The following LOC400499 variants were observed in gnomAD, a reference collection of about 807,000 sequenced individuals.
At chr16:11,393,411 G>A in the LOC400499 span, 1 of 1,232,168 alleles carries the variant, frequency 8.1e-7, no homozygotes, top group East Asian at 3.2e-5. Flanking sequence ...GGCCACAGAG[G>A]CCTGCAGACA....
the LOC400499 span, among the ~76,000 whole-genome samples, chr16:11,429,402 T>C: frequency 6.6e-6 from 1 of 152,148 alleles, no homozygotes; most frequent in African/African-American, 2.4e-5. Context: ...TGTGAAAGCA[T>C]TGCAAGGACA....
the LOC400499 span, among the ~76,000 whole-genome samples, chr16:11,451,322 G>A: frequency 1.8e-4 from 28 of 152,326 alleles, no homozygotes; most frequent in Admixed American, 6.5e-4. Context: ...GCTCATGCCT[G>A]TAATCCCAGC....
chr16:11,450,250 G>C, the LOC400499 span, among the ~76,000 whole-genome samples: 1 of 152,222 alleles, frequency 6.6e-6, no homozygotes, highest in African/African-American at 2.4e-5. Context: ...CATCATGACA[G>C]TCAGTAGTCG....
chr16:11,492,146 G>T, the LOC400499 span, among the ~76,000 whole-genome samples: 15 of 152,044 alleles, frequency 9.9e-5, no homozygotes, highest in African/African-American at 3.6e-4. Context: ...ATAGTGTCTC[G>T]CCACACAGGA....
the LOC400499 span, among the ~76,000 whole-genome samples, chr16:11,397,038 G>A: frequency 7.2e-5 from 11 of 152,090 alleles, no homozygotes; most frequent in Admixed American, 6.5e-4. Context: ...CCTGCACAAC[G>A]TTTACTACAC....
At chr16:11,398,326 C>T in the LOC400499 span, 1 of 1,232,278 alleles carries the variant, frequency 8.1e-7, no homozygotes, top group Non-Finnish European at 1.0e-6. Flanking sequence ...TCCAGCTGCC[C>T]CCTTCTGCAG....
chr16:11,428,923 C>T, the LOC400499 span, among the ~76,000 whole-genome samples: 1 of 151,144 alleles, frequency 6.6e-6, no homozygotes, highest in African/African-American at 2.4e-5. Flanking sequence ...TGCAATCTTG[C>T]ATGGGAAATG....
chr16:11,496,908 G>A, the LOC400499 span, among the ~76,000 whole-genome samples: 1 of 146,856 alleles, frequency 6.8e-6, no homozygotes, highest in African/African-American at 2.7e-5. Flanking sequence ...GTGTGTGTGT[G>A]TGTGTGTGTG....
chr16:11,413,193 G>A, the LOC400499 span, among the ~76,000 whole-genome samples: 64 of 152,272 alleles, frequency 4.2e-4, 1 homozygote, highest in Admixed American at 1.8e-3. Context: ...CAGCCCAGAC[G>A]TCGACAGAGA....
At chr16:11,515,894 T>TTAA in the LOC400499 span, 1 of 16,386 alleles carries the variant, frequency 6.1e-5, no homozygotes, top group Non-Finnish European at 1.6e-4. Flanking sequence ...CAGCCCAGCC[T>TTAA]AGCCCAGCCC....
chr16:11,473,058 G>A, the LOC400499 span: 2 of 152,090 alleles, frequency 1.3e-5, 1 homozygote, highest in South Asian at 4.1e-4. Context: ...AGAGGTTGCA[G>A]AGAGCCGAGA....
chr16:11,418,163 G>A, the LOC400499 span, among the ~76,000 whole-genome samples: 5 of 152,306 alleles, frequency 3.3e-5, no homozygotes, highest in East Asian at 5.8e-4. Context: ...GAAACAGGTT[G>A]CAAACCACAG....
chr16:11,515,381 A>G, the LOC400499 span, among the ~76,000 whole-genome samples: 1 of 152,010 alleles, frequency 6.6e-6, no homozygotes, highest in African/African-American at 2.4e-5. Context: ...GCTTGAGGCC[A>G]GGAGTTGAAG....
chr16:11,396,348 G>C, the LOC400499 span: 1 of 672,124 alleles, frequency 1.5e-6, no homozygotes, highest in Non-Finnish European at 2.1e-6. Context: ...CCCCGACCCA[G>C]AATGAAGCTC....
At chr16:11,423,688 G>A in the LOC400499 span, among the ~76,000 whole-genome samples, 1 of 152,236 alleles carries the variant, frequency 6.6e-6, no homozygotes, top group African/African-American at 2.4e-5. Flanking sequence ...GCACCGAGGT[G>A]GTTTCCTGCT....
the LOC400499 span, chr16:11,383,759 G>A: frequency 1.6e-6 from 2 of 1,232,328 alleles, no homozygotes; most frequent in African/African-American, 1.5e-5. Context: ...TGCACACACA[G>A]GCTGAGGAAT....
chr16:11,464,827 G>A, the LOC400499 span, among the ~76,000 whole-genome samples: 14 of 152,292 alleles, frequency 9.2e-5, no homozygotes, highest in South Asian at 2.9e-3. Flanking sequence ...GATCCACGGG[G>A]AGGTAGAGGC....
At chr16:11,466,620 C>T in the LOC400499 span, among the ~76,000 whole-genome samples, 1 of 152,192 alleles carries the variant, frequency 6.6e-6, no homozygotes, top group South Asian at 2.1e-4. Context: ...AACTCCTGAC[C>T]TCAGGTGAGC....
the LOC400499 span, among the ~76,000 whole-genome samples, chr16:11,486,722 T>C: frequency 2.0e-5 from 2 of 98,048 alleles, no homozygotes; most frequent in Non-Finnish European, 3.9e-5. Context: ...GAATAGATGA[T>C]GGGTGGGTGG....
Sources: allele counts gnomAD v4.1 joint callset (sites outside exome capture counted in the v4.1 genomes callset), GRCh38; gene constraint gnomAD v4.1.1; transcripts MANE v1.5.